The following GRIA4 variants were observed in gnomAD, a reference collection of about 807,000 sequenced individuals.
GRIA4 encodes glutamate ionotropic receptor AMPA type subunit 4, also known as glutamate receptor 4.
A neutral mutation model predicts 104.0 loss-of-function variants in GRIA4; 34 were observed. That is an observed-to-expected ratio of 0.33 (90% CI 0.25 to 0.44). The LOEUF (loss-of-function observed/expected upper bound fraction) is 0.44, where lower values mean the gene tolerates loss of function less well. Among genes scored for constraint, GRIA4 ranks in the 20% least tolerant of loss-of-function variants. GRIA4 has a pLI of 1.00. For missense variants in GRIA4, 750 were observed against 1,096.5 expected, an observed-to-expected ratio of 0.68 and a Z score of 4.46; for synonymous variants, 386 against 381.9, an observed-to-expected ratio of 1.01 and a Z score of -0.13.
intron 3 of GRIA4, among the ~76,000 whole-genome samples, chr11:105,709,894 G>T (rs1404362320): frequency 6.6e-6 from 1 of 152,076 alleles, no homozygotes; most frequent in Admixed American, 6.6e-5. Flanking sequence ...GAAGAGAGTA[G>T]AAGGAGGTTT....
chr11:105,893,635 C>A (rs1406672737), intron 6 of GRIA4, among the ~76,000 whole-genome samples: 1 of 152,136 alleles, frequency 6.6e-6, no homozygotes, highest in Non-Finnish European at 1.5e-5. Context: ...CTAGACTTTA[C>A]ATCAGATGAT....
rs980030095 is a variant in GRIA4, at chr11:105,621,453, A to T, written c.247+9019A>T. On this transcript the variant is annotated intron_variant, in intron 3 of 16. Coordinates refer to ENST00000282499, the MANE Select transcript of GRIA4 (RefSeq NM_000829.4). The stretch of plus-strand genomic sequence containing the variant: ...ACATAAGCTTCTAATATGTATCTAG[A>T]AATAAAAGTATTTAATAAGATAATA... 2.0e-5 allele frequency among the ~76,000 whole-genome samples: 3 copies of T among 151,688 alleles called. No individual in the cohort carries two copies. The East Asian group carries it at 5.8e-4, about 29-fold the overall frequency.
At chr11:105,757,160 G>A (rs982714041) in intron 4 of GRIA4, among the ~76,000 whole-genome samples, 4 of 152,140 alleles carry the variant, frequency 2.6e-5, no homozygotes, top group Admixed American at 6.5e-5. Flanking sequence ...GATTCCACAG[G>A]CTGTTACTGC....
chr11:105,762,030 T>C (rs1314046426), intron 4 of GRIA4, among the ~76,000 whole-genome samples: 1 of 151,954 alleles, frequency 6.6e-6, no homozygotes, highest in Non-Finnish European at 1.5e-5. Context: ...GTCTTAATTT[T>C]TTTTTTTTTT....
chr11:105,893,349 T>G (rs1442301148), intron 6 of GRIA4, among the ~76,000 whole-genome samples: 1 of 152,152 alleles, frequency 6.6e-6, no homozygotes, highest in African/African-American at 2.4e-5. Flanking sequence ...CTGAGAAAAC[T>G]GCTTCACTGT....
chr11:105,732,706 A>G (rs1938677326), intron 3 of GRIA4, among the ~76,000 whole-genome samples: 1 of 152,166 alleles, frequency 6.6e-6, no homozygotes, highest in South Asian at 2.1e-4. Flanking sequence ...ATGGCAAAGA[A>G]AAGTAGATTT....
At chr11:105,881,151 G>A (rs1484635999) in intron 5 of GRIA4, among the ~76,000 whole-genome samples, 1 of 152,162 alleles carries the variant, frequency 6.6e-6, no homozygotes, top group African/African-American at 2.4e-5. Context: ...AATTACTGGA[G>A]GAGGCTAGTG....
At chr11:105,620,612 T>G (rs946997656) in intron 3 of GRIA4, among the ~76,000 whole-genome samples, 1 of 151,884 alleles carries the variant, frequency 6.6e-6, no homozygotes, top group East Asian at 1.9e-4. Flanking sequence ...TATGGACATA[T>G]TGATTTTTCT....
Position 105,924,548 on chromosome 11 carries a change from T to G in GRIA4, c.1626T>G (p.Pro542=). 6.2e-7 allele frequency: 1 copy of G among 1,613,256 alleles called. No individual in the cohort carries two copies. Among genetic ancestry groups the G allele is most frequent in the Non-Finnish European group, 8.5e-7 (1 of 1,179,402 alleles). The change falls in exon 12 of 17, where the codon CCT becomes CCG. Residue 542 remains proline, a synonymous_variant. Transcript: ENST00000282499. The part of the protein sequence containing the change: ...SKPGVFSFLD[P]LAYEIWMCIV... ...CAGGAGTGTTTTCCTTCTTGGATCC[T>G]CTGGCCTATGAGATTTGGATGTGCA...
chr11:105,685,113 T>G (rs1952833434), intron 3 of GRIA4, among the ~76,000 whole-genome samples: 1 of 146,602 alleles, frequency 6.8e-6, no homozygotes, highest in African/African-American at 2.5e-5. Flanking sequence ...CCTGGATTCC[T>G]TTAGGAAGGA....
intron 4 of GRIA4, among the ~76,000 whole-genome samples, chr11:105,764,473 A>G (rs1021140382): frequency 6.6e-6 from 1 of 152,170 alleles, no homozygotes; most frequent in Non-Finnish European, 1.5e-5. Context: ...TATTACCTAC[A>G]TTATTTCTGC....
At chr11:105,724,323 A>G (rs889035071) in intron 3 of GRIA4, among the ~76,000 whole-genome samples, 7 of 114,970 alleles carry the variant, frequency 6.1e-5, no homozygotes, top group African/African-American at 1.9e-4. Context: ...ATAAAATGTG[A>G]CATATATATA....
chr11:105,709,779 T>C (rs1953845077), intron 3 of GRIA4, among the ~76,000 whole-genome samples: 2 of 152,046 alleles, frequency 1.3e-5, no homozygotes, highest in South Asian at 4.2e-4. Flanking sequence ...CATTAAGATG[T>C]TGATAGTGAA....
intron 14 of GRIA4, among the ~76,000 whole-genome samples, chr11:105,954,972 T>C (rs1397595915): frequency 1.3e-5 from 2 of 149,974 alleles, no homozygotes; most frequent in Non-Finnish European, 3.0e-5. Context: ...ATATATATAA[T>C]GTTACATATA....
In GRIA4 at chr11:105,847,831, T is replaced by C. The variant is rs185365111; in HGVS notation, c.488-14193T>C. Among the ~76,000 whole-genome samples, 74 of 152,314 alleles carry C rather than the reference T, an allele frequency of 4.9e-4. 1 individual carries two copies. Among genetic ancestry groups the C allele is most frequent in the Middle Eastern group, 6.8e-3 (2 of 294 alleles). On this transcript the variant is annotated intron_variant, in intron 4 of 16. Transcript: ENST00000282499. ...AAAACTTTAATTACTGGTGTTGAAATTGACCCATTCAAACCACCGAAAATC... is the reference window on the plus strand; with the variant it reads ...AAAACTTTAATTACTGGTGTTGAAACTGACCCATTCAAACCACCGAAAATC...
In GRIA4 at chr11:105,957,434, T is replaced by C. The variant is rs1447996976; in HGVS notation, c.2295-14480T>C. The stretch of plus-strand genomic sequence containing the variant: ...TCAGATAGTTGTAGATATGCGGCAT[T>C]ATTTCTGAGGGCTCTGTTCTGTTCC... On this transcript the variant is annotated intron_variant, in intron 14 of 16. Transcript: ENST00000282499. Among the ~76,000 whole-genome samples the C allele has an allele frequency of 2.0e-5, 3 of 152,320 alleles. No individual in the cohort carries two copies. In the East Asian group the frequency reaches 5.8e-4, roughly 29 times the overall value.
At chr11:105,947,580 C>A (rs1277396285) in intron 14 of GRIA4, among the ~76,000 whole-genome samples, 3 of 152,176 alleles carry the variant, frequency 2.0e-5, no homozygotes, top group African/African-American at 4.8e-5. Flanking sequence ...AGCACCACTT[C>A]TCTGTTTTGT....
At chr11:105,736,860 G>A (rs565300684) in intron 3 of GRIA4, among the ~76,000 whole-genome samples, 7 of 151,978 alleles carry the variant, frequency 4.6e-5, no homozygotes, top group Admixed American at 4.6e-4. Flanking sequence ...TAAGATTATA[G>A]TGATTATTGT....
At chr11:105,875,724 A>G in intron 5 of GRIA4, among the ~76,000 whole-genome samples, 1 of 151,972 alleles carries the variant, frequency 6.6e-6, no homozygotes. Context: ...GTATTCTCTG[A>G]TGGTAGTTTG....
Sources: gnomAD v4.1 joint callset for allele counts (sites outside exome capture counted in the v4.1 genomes callset) on GRCh38, gnomAD v4.1.1 for gene constraint, MANE v1.5 for transcripts, NCBI Gene and HGNC (gene_info 2026-07-23, HGNC 2026-07-21) for gene names.